SCAPER: variants seen among roughly 807,000 people sequenced by gnomAD.
SCAPER encodes S phase cyclin A-associated protein in the endoplasmic reticulum.
In SCAPER, 98 loss-of-function variants were observed where a neutral mutation model predicts 182.2. That is an observed-to-expected ratio of 0.54 (90% CI 0.46 to 0.64). The LOEUF is 0.64. Among genes scored for constraint, SCAPER ranks in the 30% least tolerant of loss-of-function variants. SCAPER has a pLI of 0.00. For missense variants in SCAPER, 1,432 were observed against 1,690.0 expected, an observed-to-expected ratio of 0.85 and a Z score of 2.68; for synonymous variants, 605 against 564.6, an observed-to-expected ratio of 1.07 and a Z score of -1.01.
chr15:76,639,474 T>C (rs548557459), intron 21 of SCAPER, among the ~76,000 whole-genome samples: 6 of 152,322 alleles, frequency 3.9e-5, no homozygotes, highest in South Asian at 2.1e-4. Flanking sequence ...TTCAGAATTA[T>C]GGAGATTAAC....
chr15:76,843,727 C>T (rs747212504), intron 4 of SCAPER, among the ~76,000 whole-genome samples: 1 of 151,990 alleles, frequency 6.6e-6, no homozygotes, highest in Non-Finnish European at 1.5e-5. Context: ...GAGACTGAGG[C>T]AGGAGTATCA....
intron 23 of SCAPER, among the ~76,000 whole-genome samples, chr15:76,573,360 T>C (rs1051499681): frequency 2.5e-4 from 38 of 152,076 alleles, no homozygotes; most frequent in Non-Finnish European, 1.3e-4. Flanking sequence ...TAATATTTCT[T>C]TTGTACATAT....
chr15:76,388,551 C>G (rs190992770), intron 27 of SCAPER, among the ~76,000 whole-genome samples: 1 of 152,134 alleles, frequency 6.6e-6, no homozygotes, highest in African/African-American at 2.4e-5. Context: ...GGTGGAAGGT[C>G]ACATCCACTG....
At chr15:76,843,281 CAA>C (rs1402975900) in intron 4 of SCAPER, among the ~76,000 whole-genome samples, 5 of 152,054 alleles carry the variant, frequency 3.3e-5, no homozygotes, top group African/African-American at 1.2e-4. Context: ...CTTTTATTTA[CAA>C]AGATTCCAGA....
intron 2 of SCAPER, 145 bp downstream of exon 2, chr15:76,883,667 A>G (rs1165519897): frequency 1.4e-6 from 1 of 702,352 alleles, no homozygotes; most frequent in East Asian, 3.3e-5. Flanking sequence ...GTACATTCAT[A>G]GCTGCTCACT....
rs1220298240 is a variant in SCAPER at position 76,726,150 on chromosome 15, TATATAA to T, written c.2165+2439_2165+2444del. On this transcript the variant is annotated intron_variant, in intron 17 of 31. Coordinates refer to ENST00000563290, the MANE Select transcript of SCAPER (RefSeq NM_020843.4). ...ATATATATATATATATATATATATA[TATATAA>T]AAAACTCTATAACCCAACAAGAAAA... Among the ~76,000 whole-genome samples, 109 of 130,832 alleles carry T rather than the reference TATATAA, an allele frequency of 8.3e-4. 7 individuals are homozygous for T. In the Middle Eastern group the frequency reaches 0.016, roughly 19 times the overall value. 85.8% of individuals were successfully genotyped at this position (130,832 alleles called of 152,430 possible).
chr15:76,381,517 C>G lies in SCAPER; in HGVS notation c.3566G>C (p.Cys1189Ser). 2 of 1,613,300 alleles carry G rather than the reference C, an allele frequency of 1.2e-6. No homozygotes were observed. Among genetic ancestry groups the G allele is most frequent in the Non-Finnish European group, 1.7e-6 (2 of 1,179,674 alleles). The change falls in exon 28 of 32, where the codon TGT becomes TCT. Residue 1189 changes from cysteine to serine, a missense_variant. Physicochemically the swap from Cys to Ser is moderately radical, Grantham distance 112. Around this residue, in one of 5 missense-constraint regions of SCAPER, gnomAD observed 718 missense variants for 799.7 expected, o/e 0.90. Transcript: ENST00000563290. Reference protein sequence around the residue: ...DLAGVLHMLYCVLFHGTILDP... With the variant: ...DLAGVLHMLYSVLFHGTILDP... ...CAAGATGGTGCCATGGAAGAGGACACAGTAGAGCATATGAAGAACTCCAGC... is the reference window on the plus strand; with the variant it reads ...CAAGATGGTGCCATGGAAGAGGACAGAGTAGAGCATATGAAGAACTCCAGC...
chr15:76,426,746 A>C (rs1487748262), intron 26 of SCAPER, among the ~76,000 whole-genome samples: 6 of 152,332 alleles, frequency 3.9e-5, no homozygotes, highest in Admixed American at 1.3e-4. Context: ...AACAAAACAC[A>C]GCCTGAATAG....
chr15:76,465,033 T>C (rs1330554391), intron 25 of SCAPER, among the ~76,000 whole-genome samples: 1 of 152,206 alleles, frequency 6.6e-6, no homozygotes, highest in Non-Finnish European at 1.5e-5. Flanking sequence ...TGTATTTTCT[T>C]TGAAGAAATG....
chr15:76,845,917 G>A (rs549870501), intron 4 of SCAPER, among the ~76,000 whole-genome samples: 39 of 151,824 alleles, frequency 2.6e-4, no homozygotes, highest in African/African-American at 9.4e-4. Flanking sequence ...CAAAACTAGA[G>A]GAATCACATT....
At chr15:76,850,493 C>A (rs1050760082) in intron 4 of SCAPER, among the ~76,000 whole-genome samples, 1 of 152,138 alleles carries the variant, frequency 6.6e-6, no homozygotes, top group African/African-American at 2.4e-5. Flanking sequence ...TTCAAATGAC[C>A]AGAGTGTCAC....
chr15:76,394,175 C>A (rs577036334), intron 27 of SCAPER, among the ~76,000 whole-genome samples: 29 of 152,260 alleles, frequency 1.9e-4, no homozygotes, highest in African/African-American at 6.0e-4. Flanking sequence ...TATTAGTCTG[C>A]ATGTTGCCAA....
intron 20 of SCAPER, among the ~76,000 whole-genome samples, chr15:76,667,467 C>T (rs1422349716): frequency 6.6e-6 from 1 of 151,892 alleles, no homozygotes; most frequent in Non-Finnish European, 1.5e-5. Flanking sequence ...ATAGAAAATT[C>T]TCAAATTTTT....
At chr15:76,564,776 AG>A (rs1265858937) in intron 23 of SCAPER, among the ~76,000 whole-genome samples, 1 of 152,258 alleles carries the variant, frequency 6.6e-6, no homozygotes, top group Non-Finnish European at 1.5e-5. Context: ...ACTATATTAC[AG>A]GGCTACGATA....
At chr15:76,485,156 A>C (rs1195036853) in intron 24 of SCAPER, among the ~76,000 whole-genome samples, 1 of 152,218 alleles carries the variant, frequency 6.6e-6, no homozygotes, top group African/African-American at 2.4e-5. Flanking sequence ...AGAAAACCCC[A>C]CAGTCTTAGC....
chr15:76,863,757 A>G (rs1226382056), intron 2 of SCAPER, among the ~76,000 whole-genome samples: 1 of 152,148 alleles, frequency 6.6e-6, no homozygotes, highest in Non-Finnish European at 1.5e-5. Flanking sequence ...TTTCTGACCA[A>G]TAAAATGCGG....
At chr15:76,478,342 G>C (rs1475898211) in intron 24 of SCAPER, among the ~76,000 whole-genome samples, 1 of 151,756 alleles carries the variant, frequency 6.6e-6, no homozygotes, top group Non-Finnish European at 1.5e-5. Flanking sequence ...TCTTTTTCCA[G>C]CTTAACTTTT....
chr15:76,726,399 A>G (rs988754224), intron 17 of SCAPER, among the ~76,000 whole-genome samples: 2 of 151,600 alleles, frequency 1.3e-5, no homozygotes, highest in African/African-American at 4.8e-5. Context: ...ACCCTTGTGC[A>G]ATGCTGCTGA....
intron 23 of SCAPER, among the ~76,000 whole-genome samples, chr15:76,542,758 AAC>A (rs1353341503): frequency 6.6e-6 from 1 of 151,976 alleles, no homozygotes; most frequent in Non-Finnish European, 1.5e-5. Context: ...ATGGTTATGA[AAC>A]ACAACTGTGT....
Sources: gnomAD v4.1 joint callset for allele counts (sites outside exome capture counted in the v4.1 genomes callset) on GRCh38, gnomAD v4.1.1 for gene constraint, gnomAD v4.1.1 regional missense constraint, MANE v1.5 for transcripts, NCBI Gene and HGNC (gene_info 2026-07-23, HGNC 2026-07-21) for gene names.